KCNQ5: variants seen among roughly 807,000 people sequenced by gnomAD.
KCNQ5 encodes the protein potassium voltage-gated channel subfamily KQT member 5.
KCNQ5 carries 30 observed loss-of-function variants against 98.2 expected under a neutral mutation model. The ratio of observed to expected loss-of-function variants is 0.31; its 90% CI spans 0.23 to 0.41. KCNQ5 has a LOEUF of 0.41. Among genes scored for constraint, KCNQ5 ranks in the 10% least tolerant of loss-of-function variants. The probability of loss-of-function intolerance (pLI) is 1.00; values close to 1 mark genes in which losing one functional copy is unlikely to be tolerated. For missense variants in KCNQ5, 835 were observed against 1,182.5 expected (o/e 0.71, Z 4.31); for synonymous variants, 458 against 449.4 (o/e 1.02, Z -0.24).
intron 1 of KCNQ5, among the ~76,000 whole-genome samples, chr6:72,626,168 A>G (rs1444044950): frequency 2.0e-5 from 3 of 152,250 alleles, no homozygotes; most frequent in Admixed American, 2.0e-4. Flanking sequence ...CAAGTGTGAA[A>G]CAATGTTATT....
chr6:73,175,568 C>T (rs1205177659), intron 11 of KCNQ5, among the ~76,000 whole-genome samples: 1 of 152,206 alleles, frequency 6.6e-6, no homozygotes, highest in Non-Finnish European at 1.5e-5. Flanking sequence ...TCTGAAGAAG[C>T]AACAGGATAA....
At chr6:72,674,309 T>G (rs997892689) in intron 1 of KCNQ5, among the ~76,000 whole-genome samples, 4 of 152,096 alleles carry the variant, frequency 2.6e-5, no homozygotes, top group African/African-American at 9.7e-5. Flanking sequence ...CAGAATGGAT[T>G]CAAGAGATGC....
intron 1 of KCNQ5, among the ~76,000 whole-genome samples, chr6:72,863,019 G>A (rs146029909): frequency 1.3e-3 from 192 of 152,258 alleles, no homozygotes; most frequent in African/African-American, 4.5e-3. Context: ...AAGAGAAATT[G>A]TATTATTTTC....
chr6:72,754,550 T>C (rs753370605), intron 1 of KCNQ5, among the ~76,000 whole-genome samples: 6 of 152,092 alleles, frequency 3.9e-5, no homozygotes, highest in Non-Finnish European at 7.4e-5. Flanking sequence ...TACGGGCATC[T>C]AGCAGACAGG....
intron 1 of KCNQ5, among the ~76,000 whole-genome samples, chr6:72,829,976 A>G (rs1454877745): frequency 6.6e-6 from 1 of 152,172 alleles, no homozygotes; most frequent in African/African-American, 2.4e-5. Context: ...GTGAATTCCC[A>G]TTCACAATTG....
At chr6:72,623,985 C>A (rs1224477876) in intron 1 of KCNQ5, among the ~76,000 whole-genome samples, 1 of 152,178 alleles carries the variant, frequency 6.6e-6, no homozygotes, top group African/African-American at 2.4e-5. Flanking sequence ...GTGGAGTCTA[C>A]AATCTGTGGG....
At chr6:72,742,031 A>G (rs943281434) in intron 1 of KCNQ5, among the ~76,000 whole-genome samples, 1 of 152,182 alleles carries the variant, frequency 6.6e-6, no homozygotes, top group Non-Finnish European at 1.5e-5. Context: ...CATTGAGCCT[A>G]TATCTCCCAC....
At chr6:72,904,278 ATAGT>A (rs1425728329) in intron 1 of KCNQ5, among the ~76,000 whole-genome samples, 10 of 152,130 alleles carry the variant, frequency 6.6e-5, no homozygotes, top group African/African-American at 1.2e-4. Context: ...AAGGCAGCAG[ATAGT>A]TGGTTGGTGA....
At chr6:73,194,264 T>C (rs1765702226) in intron 13 of KCNQ5, among the ~76,000 whole-genome samples, 188 bp from the exon 14 acceptor site, 1 of 152,228 alleles carries the variant, frequency 6.6e-6, no homozygotes, top group East Asian at 1.9e-4. Flanking sequence ...CCTCTCTTCC[T>C]AAGTCCTCCT....
At chr6:72,690,296 A>G (rs1768151099) in intron 1 of KCNQ5, among the ~76,000 whole-genome samples, 1 of 152,152 alleles carries the variant, frequency 6.6e-6, no homozygotes, top group South Asian at 2.1e-4. Flanking sequence ...ATTTGTTACA[A>G]TCAAACATAG....
rs564383519 is a variant in KCNQ5, at chr6:72,659,028, G to A, written c.398+36441G>A. Among the ~76,000 whole-genome samples, 11 of 152,280 alleles carry A rather than the reference G, an allele frequency of 7.2e-5. 1 individual carries two copies. The South Asian group carries it at 2.3e-3, about 32-fold the overall frequency. ...GCTATACATACAGCTTAGCAGTTAG[G>A]CGGATATTGTAAGGATTTTTTAAAC... On this transcript the variant is annotated intron_variant, in intron 1 of 13. Transcript: ENST00000370398.
chr6:73,126,918 A>G (rs1776010467), intron 9 of KCNQ5, among the ~76,000 whole-genome samples: 1 of 152,310 alleles, frequency 6.6e-6, no homozygotes, highest in East Asian at 1.9e-4. Context: ...GAAGAGATAA[A>G]ACACCAACAA....
Position 73,100,313 on chromosome 6 carries a change from T to C in KCNQ5, c.919-4944T>C, listed in dbSNP as rs142056813. Among the ~76,000 whole-genome samples the C allele has an allele frequency of 4.1e-3, 618 of 152,008 alleles. 2 individuals carry two copies. Among genetic ancestry groups the C allele is most frequent in the African/African-American group, 0.014 (594 of 41,452 alleles). On this transcript the variant is annotated intron_variant, in intron 5 of 13. Transcript: ENST00000370398. ...AAGAGTAAACCAAACCCAAAGTTAGTAGGAGAAAGGAAATAAAGATCAGAG... is the reference window on the plus strand; with the variant it reads ...AAGAGTAAACCAAACCCAAAGTTAGCAGGAGAAAGGAAATAAAGATCAGAG...
chr6:72,875,133 A>T (rs1234426557), intron 1 of KCNQ5, among the ~76,000 whole-genome samples: 1 of 152,200 alleles, frequency 6.6e-6, no homozygotes, highest in East Asian at 1.9e-4. Context: ...TGATGATTAA[A>T]GTAGTTAATA....
chr6:72,727,743 G>T (rs1337730953), intron 1 of KCNQ5, among the ~76,000 whole-genome samples: 1 of 151,984 alleles, frequency 6.6e-6, no homozygotes, highest in Middle Eastern at 3.4e-3. Context: ...AGTTTGGGTG[G>T]GGTCAGCTGG....
chr6:72,750,507 G>A (rs896388094), intron 1 of KCNQ5, among the ~76,000 whole-genome samples: 6 of 151,960 alleles, frequency 3.9e-5, no homozygotes, highest in Non-Finnish European at 5.9e-5. Context: ...GCTAGATGTC[G>A]GTTATAGACT....
chr6:72,836,805 A>G (rs140829200), intron 1 of KCNQ5, among the ~76,000 whole-genome samples: 3 of 152,140 alleles, frequency 2.0e-5, no homozygotes, highest in Non-Finnish European at 4.4e-5. Flanking sequence ...TTTCTAAAGG[A>G]AAGTGGTGAG....
chr6:73,176,320 G>T (rs186100259), intron 11 of KCNQ5, among the ~76,000 whole-genome samples: 3 of 152,046 alleles, frequency 2.0e-5, no homozygotes, highest in Non-Finnish European at 4.4e-5. Flanking sequence ...CCTCCCTCCC[G>T]CTTCTCTCTT....
intron 1 of KCNQ5, among the ~76,000 whole-genome samples, chr6:72,758,086 C>A (rs376133053): frequency 4.5e-4 from 68 of 151,902 alleles, no homozygotes; most frequent in African/African-American, 1.2e-3. Flanking sequence ...CAGAGGTCCC[C>A]CAGGCAGCCA....
Sources: gnomAD v4.1 joint callset for allele counts (sites outside exome capture counted in the v4.1 genomes callset) on GRCh38, gnomAD v4.1.1 for gene constraint, MANE v1.5 for transcripts, NCBI Gene and HGNC (gene_info 2026-07-23, HGNC 2026-07-21) for gene names.